NAALADL2: variants seen among roughly 807,000 people sequenced by gnomAD.
NAALADL2 encodes the protein inactive N-acetylated-alpha-linked acidic dipeptidase-like protein 2.
A neutral mutation model predicts 87.2 loss-of-function variants in NAALADL2; 76 were observed. That is an observed-to-expected ratio of 0.87 (90% CI 0.72 to 1.05). The LOEUF is 1.05. Ranked by LOEUF, NAALADL2 falls within the 50% of genes least tolerant of loss-of-function variation. The pLI is 0.00. For synonymous variants in NAALADL2, 354 were observed against 331.0 expected, an observed-to-expected ratio of 1.07 and a Z score of -0.75; for missense variants, 1,089 against 945.8, an observed-to-expected ratio of 1.15 and a Z score of -1.99.
intron 2 of NAALADL2, among the ~76,000 whole-genome samples, chr3:174,652,240 A>T (rs76829455): frequency 0.031 from 4,716 of 152,278 alleles, 196 homozygotes; most frequent in African/African-American, 0.096. Flanking sequence ...GCTGTCAGTT[A>T]ATTATACTCT....
intron 9 of NAALADL2, among the ~76,000 whole-genome samples, chr3:175,557,699 C>A (rs983298604): frequency 8.5e-5 from 13 of 152,086 alleles, no homozygotes; most frequent in Admixed American, 6.6e-4. Flanking sequence ...CACAGTGACC[C>A]CCAGTTCCAT....
At chr3:174,539,644 G>C (rs531084649) in intron 1 of NAALADL2, among the ~76,000 whole-genome samples, 1 of 151,968 alleles carries the variant, frequency 6.6e-6, no homozygotes, top group African/African-American at 2.4e-5. Flanking sequence ...TTTTTGTTGT[G>C]GCCACATCAA....
At chr3:175,049,935 AAAT>A (rs1211393822) in intron 1 of NAALADL2, among the ~76,000 whole-genome samples, 3 of 152,234 alleles carry the variant, frequency 2.0e-5, no homozygotes, top group African/African-American at 4.8e-5. Context: ...GTTGTGAAAA[AAAT>A]AATAATCCCC....
chr3:175,741,810 A>G (rs189437355), intron 12 of NAALADL2, among the ~76,000 whole-genome samples: 494 of 152,312 alleles, frequency 3.2e-3, no homozygotes, highest in Middle Eastern at 0.02. Context: ...AGACACATTA[A>G]CAAGTGTGAA....
chr3:174,985,945 TCC>T (rs1025122640), intron 1 of NAALADL2, among the ~76,000 whole-genome samples: 5 of 151,546 alleles, frequency 3.3e-5, no homozygotes, highest in African/African-American at 1.2e-4. Context: ...AGAGCGAAAC[TCC>T]GTCTCAAAAA....
intron 5 of NAALADL2, among the ~76,000 whole-genome samples, chr3:175,415,282 C>T (rs1714389713): frequency 6.6e-6 from 1 of 151,794 alleles, no homozygotes; most frequent in Non-Finnish European, 1.5e-5. Flanking sequence ...GGATGATGAG[C>T]TTTTAAAAAA....
At chr3:175,568,008 G>A (rs940692906) in intron 9 of NAALADL2, among the ~76,000 whole-genome samples, 14 of 151,908 alleles carry the variant, frequency 9.2e-5, no homozygotes, top group African/African-American at 3.1e-4. Flanking sequence ...GAGCCACTGC[G>A]CCCGGCCCCA....
intron 1 of NAALADL2, among the ~76,000 whole-genome samples, chr3:174,997,675 G>A (rs1283588752): frequency 3.3e-5 from 5 of 152,024 alleles, no homozygotes; most frequent in Admixed American, 2.6e-4. Flanking sequence ...AATTAGCTGG[G>A]TGTGGTGGTG....
At chr3:174,740,814 T>TAGAGCCATTTTTA (rs941940438) in intron 3 of NAALADL2, among the ~76,000 whole-genome samples, 8 of 151,816 alleles carry the variant, frequency 5.3e-5, no homozygotes, top group Non-Finnish European at 7.4e-5. Context: ...TGGGGCTAGT[T>TAGAGCCATTTTTA]AGAGCCATTT....
intron 11 of NAALADL2, among the ~76,000 whole-genome samples, chr3:175,716,280 ATTATG>A (rs1290475437): frequency 6.9e-6 from 1 of 145,412 alleles, no homozygotes; most frequent in Non-Finnish European, 1.5e-5. Context: ...TATAATATAT[ATTATG>A]TTATTACACA....
chr3:174,550,541 C>A (rs1296737638), intron 1 of NAALADL2: 1 of 151,770 alleles, frequency 6.6e-6, no homozygotes, highest in African/African-American at 2.4e-5. Context: ...GTTAAATAAG[C>A]AATTTTTTTT....
At chr3:175,423,197 A>G (rs1288392323) in intron 5 of NAALADL2, among the ~76,000 whole-genome samples, 1 of 148,592 alleles carries the variant, frequency 6.7e-6, no homozygotes, top group Non-Finnish European at 1.5e-5. Flanking sequence ...TTTTGCACAA[A>G]GAAGAATTTA....
intron 1 of NAALADL2, among the ~76,000 whole-genome samples, chr3:175,021,681 A>G (rs1375970854): frequency 2.6e-5 from 4 of 152,068 alleles, no homozygotes; most frequent in Non-Finnish European, 5.9e-5. Context: ...CCTGCCTTTT[A>G]TAACTTTTTG....
At chr3:174,786,566 G>T (rs1156538919) in intron 3 of NAALADL2, among the ~76,000 whole-genome samples, 2 of 151,804 alleles carry the variant, frequency 1.3e-5, no homozygotes, top group African/African-American at 4.8e-5. Context: ...TTCTTTTCCA[G>T]ACCCTCCACT....
In NAALADL2 at chr3:174,853,376, CAA is replaced by C. The variant is rs55826352; in HGVS notation, c.-9+115649_-9+115650del. Among the ~76,000 whole-genome samples the C allele has an allele frequency of 5.1e-3, 424 of 82,494 alleles. 2 individuals carry two copies. Among genetic ancestry groups the C allele is most frequent in the Middle Eastern group, 0.016 (2 of 126 alleles). 54.1% of individuals were successfully genotyped at this position (82,494 alleles called of 152,430 possible). A position where few individuals can be genotyped will look rare whatever the true frequency, so the allele number is the denominator to read the frequency against. On this transcript the variant is annotated intron_variant, in intron 3 of 3. Transcript: ENST00000434257. The stretch of plus-strand genomic sequence containing the variant: ...CTGGCAACAGAGCGAGACTCAATCT[CAA>C]AAAAAAAAAAAAAAAAAATAGATTT...
At chr3:175,745,298 T>C (rs1434671716) in intron 12 of NAALADL2, among the ~76,000 whole-genome samples, 2 of 152,196 alleles carry the variant, frequency 1.3e-5, no homozygotes, top group African/African-American at 4.8e-5. Flanking sequence ...TATTTATTTG[T>C]GGTATATGGA....
At chr3:174,885,056 T>C (rs1414134313) in intron 1 of NAALADL2, among the ~76,000 whole-genome samples, 1 of 152,072 alleles carries the variant, frequency 6.6e-6, no homozygotes, top group Non-Finnish European at 1.5e-5. Flanking sequence ...CTGCTGGGGA[T>C]GGGGAAGTTG....
At chr3:175,679,766 A>G (rs1245463008) in intron 11 of NAALADL2, among the ~76,000 whole-genome samples, 3 of 152,210 alleles carry the variant, frequency 2.0e-5, no homozygotes, top group South Asian at 4.1e-4. Context: ...AAAGAAGGCT[A>G]TATTTGCTAG....
At chr3:175,333,366 G>C (rs920208045) in intron 5 of NAALADL2, among the ~76,000 whole-genome samples, 5 of 152,180 alleles carry the variant, frequency 3.3e-5, no homozygotes, top group African/African-American at 1.2e-4. Context: ...AGTAGCTGTA[G>C]GTAGGTGGCT....
Sources: gnomAD v4.1 joint callset for allele counts (sites outside exome capture counted in the v4.1 genomes callset) on GRCh38, gnomAD v4.1.1 for gene constraint, MANE v1.5 for transcripts, NCBI Gene and HGNC (gene_info 2026-07-23, HGNC 2026-07-21) for gene names.